The following SLC9A9 variants were observed in gnomAD, a reference collection of about 807,000 sequenced individuals.
SLC9A9 encodes the protein sodium/hydrogen exchanger 9.
A neutral mutation model predicts 77.8 loss-of-function variants in SLC9A9; 62 were observed. The ratio of observed to expected loss-of-function variants is 0.80; its 90% CI spans 0.65 to 0.98. SLC9A9 has a LOEUF of 0.98. SLC9A9 is among the 50% of genes least tolerant of loss of function. The pLI, the probability that SLC9A9 is intolerant of heterozygous loss-of-function variation, is 0.00. For synonymous variants in SLC9A9, 320 were observed against 283.5 expected (o/e 1.13, Z -1.29); for missense variants, 775 against 774.9 (o/e 1.00, Z 0.00).
chr3:143,667,381 G>A (rs1171685114), intron 5 of SLC9A9, among the ~76,000 whole-genome samples: 5 of 152,112 alleles, frequency 3.3e-5, no homozygotes, highest in Non-Finnish European at 4.4e-5. Flanking sequence ...AAAAACCCTC[G>A]AAGAAAACCT....
intron 11 of SLC9A9, among the ~76,000 whole-genome samples, chr3:143,490,741 G>A (rs1055136426): frequency 6.6e-6 from 1 of 152,098 alleles, no homozygotes; most frequent in Non-Finnish European, 1.5e-5. Flanking sequence ...TCTTGCTGTG[G>A]CTATGAGTCT....
At chr3:143,373,031 A>G (rs1381629395) in intron 13 of SLC9A9, among the ~76,000 whole-genome samples, 4 of 152,172 alleles carry the variant, frequency 2.6e-5, no homozygotes, top group Admixed American at 6.5e-5. Flanking sequence ...TACAATCTCT[A>G]TGGAAAACAG....
intron 12 of SLC9A9, among the ~76,000 whole-genome samples, chr3:143,383,334 T>C (rs1483519757): frequency 6.6e-6 from 1 of 152,218 alleles, no homozygotes; most frequent in Non-Finnish European, 1.5e-5. Flanking sequence ...GGCTTAGCCA[T>C]GCACAGAAGT....
chr3:143,378,474 G>A (rs1224559232), intron 13 of SLC9A9, among the ~76,000 whole-genome samples: 1 of 152,178 alleles, frequency 6.6e-6, no homozygotes, highest in Non-Finnish European at 1.5e-5. Flanking sequence ...ACGCATATAA[G>A]GTGCTCAGAG....
intron 9 of SLC9A9, among the ~76,000 whole-genome samples, chr3:143,515,370 G>T (rs1217148630): frequency 6.6e-6 from 1 of 152,132 alleles, no homozygotes; most frequent in Non-Finnish European, 1.5e-5. Context: ...GAAAGATGAG[G>T]CAGAGAGGCT....
intron 9 of SLC9A9, among the ~76,000 whole-genome samples, chr3:143,545,662 A>G (rs1204440595): frequency 6.6e-6 from 1 of 152,220 alleles, no homozygotes; most frequent in East Asian, 1.9e-4. Flanking sequence ...AAAAGCCATC[A>G]CAACCACTCA....
intron 4 of SLC9A9, among the ~76,000 whole-genome samples, chr3:143,703,949 AT>A (rs1295506674): frequency 3.3e-5 from 5 of 152,156 alleles, no homozygotes; most frequent in African/African-American, 1.2e-4. Context: ...ATGGCAATAA[AT>A]TGGAAAATCT....
chr3:143,292,625 C>T lies in SLC9A9; in HGVS notation c.1605-23645G>A, dbSNP rs73008210. On this transcript the variant is annotated intron_variant, in intron 14 of 15. Transcript: ENST00000316549. ...ACGAGGTGTGTGGATTAGAGAATCC[C>T]TTCCTATGGTAATAGGAAGGTCCCT... 8.1e-3 allele frequency among the ~76,000 whole-genome samples: 1,234 copies of T among 152,198 alleles called. 14 individuals are homozygous for T. Among genetic ancestry groups the T allele is most frequent in the African/African-American group, 0.028 (1,183 of 41,522 alleles).
intron 5 of SLC9A9, among the ~76,000 whole-genome samples, chr3:143,667,444 C>T (rs938109417): frequency 7.3e-5 from 11 of 151,668 alleles, no homozygotes; most frequent in Non-Finnish European, 5.9e-5. Context: ...GTCTAAAACA[C>T]CAAAAGCAAT....
intron 4 of SLC9A9, among the ~76,000 whole-genome samples, chr3:143,762,565 C>T (rs1383862814): frequency 6.6e-6 from 1 of 152,088 alleles, no homozygotes; most frequent in Non-Finnish European, 1.5e-5. Flanking sequence ...ATCACCAAAG[C>T]AATTTCCCCA....
intron 5 of SLC9A9, among the ~76,000 whole-genome samples, chr3:143,690,622 AC>A (rs773667929): frequency 2.0e-5 from 3 of 152,306 alleles, no homozygotes; most frequent in Non-Finnish European, 4.4e-5. Context: ...CAAAAATGGC[AC>A]CTTTTGATCA....
intron 5 of SLC9A9, among the ~76,000 whole-genome samples, chr3:143,691,835 A>G (rs1456254505): frequency 1.3e-5 from 2 of 152,150 alleles, no homozygotes; most frequent in East Asian, 3.9e-4. Flanking sequence ...GAGACATAAC[A>G]TGATTCCCCA....
chr3:143,400,921 G>A (rs530197134), intron 12 of SLC9A9, among the ~76,000 whole-genome samples: 1 of 152,036 alleles, frequency 6.6e-6, no homozygotes, highest in African/African-American at 2.4e-5. Flanking sequence ...TACCTTGTTT[G>A]CCTCCCCCAG....
chr3:143,479,460 C>G (rs1363978457), intron 11 of SLC9A9, among the ~76,000 whole-genome samples: 1 of 151,980 alleles, frequency 6.6e-6, no homozygotes, highest in Non-Finnish European at 1.5e-5. Context: ...GTTTTGTTGC[C>G]CAGGCTGGTC....
chr3:143,711,649 C>CCCACT (rs1934198644), intron 4 of SLC9A9, among the ~76,000 whole-genome samples: 2 of 150,284 alleles, frequency 1.3e-5, no homozygotes, highest in Non-Finnish European at 3.0e-5. Context: ...TTCCTAGGCT[C>CCCACT]AAGTGACCCT....
intron 9 of SLC9A9, among the ~76,000 whole-genome samples, chr3:143,546,826 T>C (rs1430007432): frequency 6.6e-6 from 1 of 152,210 alleles, no homozygotes; most frequent in Non-Finnish European, 1.5e-5. Flanking sequence ...GATATTTTCT[T>C]TGGTCCTACT....
At chr3:143,667,445 C>G (rs1405002289) in intron 5 of SLC9A9, among the ~76,000 whole-genome samples, 1 of 152,102 alleles carries the variant, frequency 6.6e-6, no homozygotes, top group Non-Finnish European at 1.5e-5. Context: ...TCTAAAACAC[C>G]AAAAGCAATG....
intron 9 of SLC9A9, among the ~76,000 whole-genome samples, chr3:143,549,173 A>T (rs191159052): frequency 1.5e-3 from 232 of 152,368 alleles, no homozygotes; most frequent in Middle Eastern, 6.8e-3. Flanking sequence ...TACATGCCTC[A>T]GCATTTCTCT....
At chr3:143,701,342 G>GAT (rs1933795793) in intron 4 of SLC9A9, among the ~76,000 whole-genome samples, 1 of 152,080 alleles carries the variant, frequency 6.6e-6, no homozygotes, top group African/African-American at 2.4e-5. Flanking sequence ...AAGCAACAGA[G>GAT]ATATATGACC....
Sources: allele counts gnomAD v4.1 joint callset (sites outside exome capture counted in the v4.1 genomes callset), GRCh38; gene constraint gnomAD v4.1.1; transcripts MANE v1.5; gene names NCBI Gene and HGNC (gene_info 2026-07-23, HGNC 2026-07-21).